Variants in LDB2 observed in about 807,000 individuals in gnomAD.
LDB2 encodes the protein LIM domain-binding protein 2.
Under a neutral mutation model 44.3 loss-of-function variants are expected in LDB2, and 12 were observed. That is an observed-to-expected ratio of 0.27 (90% confidence interval 0.17 to 0.44). LDB2 has a LOEUF of 0.44. LDB2 is among the 20% of genes least tolerant of loss of function. The pLI, the probability that LDB2 is intolerant of heterozygous loss-of-function variation, is 1.00. For missense variants in LDB2, 344 were observed against 473.5 expected (o/e 0.73, Z 2.54); for synonymous variants, 164 against 174.8 (o/e 0.94, Z 0.49).
chr4:16,699,719 T>G (rs542758016), intron 2 of LDB2, among the ~76,000 whole-genome samples: 1 of 152,302 alleles, frequency 6.6e-6, no homozygotes, highest in African/African-American at 2.4e-5. Context: ...AAAGATAGAT[T>G]TATAGCTCTA....
At chr4:16,830,599 G>A (rs1250013304) in intron 1 of LDB2, among the ~76,000 whole-genome samples, 1 of 152,174 alleles carries the variant, frequency 6.6e-6, no homozygotes, top group East Asian at 1.9e-4. Flanking sequence ...ACTTGTCCAG[G>A]TAAAATAATT....
intron 2 of LDB2, among the ~76,000 whole-genome samples, chr4:16,637,249 T>A (rs1459780074): frequency 6.6e-6 from 1 of 151,944 alleles, no homozygotes; most frequent in African/African-American, 2.4e-5. Context: ...GCAATCCCAA[T>A]TCTTTGTGAG....
intron 5 of LDB2, among the ~76,000 whole-genome samples, chr4:16,562,652 G>C (rs1300509671): frequency 6.6e-6 from 1 of 152,204 alleles, no homozygotes; most frequent in Non-Finnish European, 1.5e-5. Flanking sequence ...GTGGAAGTCA[G>C]TGTGGCCATT....
At chr4:16,524,173 T>TAACCTGGGG (rs1727330817) in intron 5 of LDB2, among the ~76,000 whole-genome samples, 1 of 152,214 alleles carries the variant, frequency 6.6e-6, no homozygotes, top group Non-Finnish European at 1.5e-5. Flanking sequence ...CAAGCATGTA[T>TAACCTGGGG]CACATAGTAT....
At chr4:16,775,721 A>G (rs1771743480) in intron 1 of LDB2, among the ~76,000 whole-genome samples, 1 of 152,120 alleles carries the variant, frequency 6.6e-6, no homozygotes, top group Non-Finnish European at 1.5e-5. Context: ...CATGCCCTCC[A>G]CTGTCTGTCT....
chr4:16,723,765 C>T (rs555183396), intron 2 of LDB2, among the ~76,000 whole-genome samples: 8 of 152,182 alleles, frequency 5.3e-5, no homozygotes, highest in Admixed American at 4.6e-4. Flanking sequence ...CCTTCAGATC[C>T]ACATGACTCA....
intron 2 of LDB2, among the ~76,000 whole-genome samples, chr4:16,603,024 AC>A (rs1213225972): frequency 6.6e-6 from 1 of 152,156 alleles, no homozygotes; most frequent in Admixed American, 6.5e-5. Flanking sequence ...ATTTAATTGA[AC>A]CCATTATTTC....
intron 2 of LDB2, among the ~76,000 whole-genome samples, chr4:16,719,428 A>G (rs1410076705): frequency 6.6e-6 from 1 of 152,126 alleles, no homozygotes; most frequent in East Asian, 1.9e-4. Flanking sequence ...TCCACAGAGG[A>G]TGACCATCCC....
chr4:16,569,562 A>T (rs1477805747), intron 5 of LDB2, among the ~76,000 whole-genome samples: 1 of 152,142 alleles, frequency 6.6e-6, no homozygotes, highest in Admixed American at 6.6e-5. Flanking sequence ...ATGCGGGCTG[A>T]ATGGAAGTGA....
At chr4:16,681,641 T>C (rs1047386015) in intron 2 of LDB2, among the ~76,000 whole-genome samples, 4 of 144,366 alleles carry the variant, frequency 2.8e-5, no homozygotes, top group African/African-American at 1.0e-4. Context: ...TTTTTTTTTT[T>C]TTTGCGACAG....
intron 2 of LDB2, among the ~76,000 whole-genome samples, chr4:16,628,490 A>T (rs1730922512): frequency 6.6e-6 from 1 of 152,148 alleles, no homozygotes; most frequent in Non-Finnish European, 1.5e-5. Context: ...TTTGGGGATG[A>T]GAAAGGTAAC....
intron 5 of LDB2, among the ~76,000 whole-genome samples, chr4:16,516,030 AT>A (rs1413476001): frequency 6.6e-6 from 1 of 151,642 alleles, no homozygotes; most frequent in African/African-American, 2.4e-5. Context: ...CGCCCAGCTA[AT>A]TTTTTGTATT....
At chr4:16,656,347 G>A (rs938206505) in intron 2 of LDB2, among the ~76,000 whole-genome samples, 1 of 152,194 alleles carries the variant, frequency 6.6e-6, no homozygotes, top group Admixed American at 6.5e-5. Flanking sequence ...GTCAGAAGGA[G>A]AGCACAGTAT....
intron 2 of LDB2, among the ~76,000 whole-genome samples, chr4:16,669,999 C>A (rs951413097): frequency 6.6e-6 from 1 of 152,224 alleles, no homozygotes; most frequent in Admixed American, 6.5e-5. Context: ...TGGCTGCTTT[C>A]GTGCTACAAT....
chr4:16,557,883 A>C (rs1013897544), intron 5 of LDB2, among the ~76,000 whole-genome samples: 6 of 152,194 alleles, frequency 3.9e-5, no homozygotes, highest in Admixed American at 6.5e-5. Context: ...CAGAGGAACG[A>C]TCAGACAGCA....
intron 5 of LDB2, among the ~76,000 whole-genome samples, chr4:16,537,507 G>C (rs1732266543): frequency 6.6e-6 from 1 of 152,200 alleles, no homozygotes; most frequent in South Asian, 2.1e-4. Context: ...GGAGACCTTT[G>C]TTTTGGAAAG....
intron 2 of LDB2, among the ~76,000 whole-genome samples, chr4:16,626,410 C>T (rs572172943): frequency 6.6e-6 from 1 of 152,262 alleles, no homozygotes; most frequent in South Asian, 2.1e-4. Flanking sequence ...AAAGTACTGC[C>T]ATGGGAGACA....
At chr4:16,773,180 G>A (rs957410739) in intron 1 of LDB2, among the ~76,000 whole-genome samples, 8 of 152,182 alleles carry the variant, frequency 5.3e-5, no homozygotes, top group South Asian at 2.1e-4. Context: ...TCTTTATGAC[G>A]TCTGAAGAGG....
chr4:16,887,032 C>CAAAAAAAAAA (rs371783496), intron 1 of LDB2, among the ~76,000 whole-genome samples: 1 of 50,460 alleles, frequency 2.0e-5, no homozygotes, highest in African/African-American at 6.7e-5. Flanking sequence ...AACTCCGTCT[C>CAAAAAAAAAA]AAAAAAAAAA....
Sources: gnomAD v4.1 joint callset for allele counts (sites outside exome capture counted in the v4.1 genomes callset) on GRCh38, gnomAD v4.1.1 for gene constraint, MANE v1.5 for transcripts, NCBI Gene and HGNC (gene_info 2026-07-23, HGNC 2026-07-21) for gene names.